Variants in CAPN9 observed in about 807,000 individuals in gnomAD.
The protein encoded by CAPN9 is calpain 9.
Under a neutral mutation model 92.8 loss-of-function variants are expected in CAPN9, and 81 were observed. That is an observed-to-expected ratio of 0.87 (90% confidence interval 0.73 to 1.05). CAPN9 has a LOEUF of 1.05. CAPN9 is among the 50% of genes least tolerant of loss of function. The pLI is 0.00. For missense variants in CAPN9, 848 were observed against 866.2 expected (o/e 0.98, Z 0.26); for synonymous variants, 304 against 328.0 (o/e 0.93, Z 0.79).
In CAPN9 at chr1:230,792,852, C is replaced by T; in HGVS notation, c.1794C>T (p.Asn598=). 1 of 1,613,732 alleles carries T rather than the reference C, an allele frequency of 6.2e-7. No homozygotes were observed. The highest frequency in any genetic ancestry group is 8.5e-7 in the Non-Finnish European group (1 of 1,179,648). The change falls in exon 17 of 20, where the codon AAC becomes AAT. Residue 598 remains asparagine, a splice_region_variant and synonymous_variant. Coordinates refer to ENST00000271971, the MANE Select transcript of CAPN9 (RefSeq NM_006615.3). ...GGCTTCTGCTCTCCACCCTTTAGAA[C>T]CTTTTCCTTCGGTTTGATGCTGACA... ...VFWDKLKQWI[N]LFLRFDADKS... is the part of the protein sequence containing the mutation.
chr1:230,756,212 C>A (rs16852580), intron 2 of CAPN9, among the ~76,000 whole-genome samples: 2,348 of 152,134 alleles, frequency 0.015, 70 homozygotes, highest in African/African-American at 0.053. Flanking sequence ...CATGCTGGAA[C>A]CTCCATGCTG....
intron 11 of CAPN9, among the ~76,000 whole-genome samples, chr1:230,783,359 C>T (rs1319150105): frequency 1.3e-5 from 2 of 152,174 alleles, no homozygotes; most frequent in Admixed American, 6.5e-5. Flanking sequence ...CCCATCAAAT[C>T]TGAAGTTGAA....
intron 13 of CAPN9, 116 bp from the exon 14 acceptor site, chr1:230,790,016 C>A: frequency 1.3e-6 from 1 of 760,722 alleles, no homozygotes; most frequent in South Asian, 1.7e-5. Context: ...ACAGCAGGGT[C>A]CTGAAGGCTG....
In CAPN9 at chr1:230,795,198, G is replaced by A. The variant is rs370675670; in HGVS notation, c.1906G>A (p.Val636Met). The A allele has an allele frequency of 1.1e-5, 18 of 1,613,414 alleles. No individual in the cohort carries two copies. Among genetic ancestry groups the A allele is most frequent in the Admixed American group, 1.7e-5 (1 of 60,000 alleles). Residue 636 changes from valine to methionine, a missense_variant, in exon 18 of 20, where the codon GTG becomes ATG. Physicochemically the swap from Val to Met is conservative, Grantham distance 21. Transcript: ENST00000271971. ...QLSSHLLQLI[V>M]LRYADEELQL... ...GAGCAGCCACCTCCTGCAGCTGATT[G>A]TGCTCAGGTATGCGGATGAGGAGCT...
chr1:230,795,096 C>T (rs1317475999), intron 17 of CAPN9, 67 bp from the exon 18 acceptor site: 2 of 994,996 alleles, frequency 2.0e-6, no homozygotes, highest in Non-Finnish European at 3.2e-6. Context: ...GGAGCTCCCT[C>T]AAAGGTGCAG....
At chr1:230,757,785 TG>T (rs1475347380) in intron 2 of CAPN9, among the ~76,000 whole-genome samples, 3 of 108,954 alleles carry the variant, frequency 2.8e-5, no homozygotes, top group Non-Finnish European at 5.7e-5. Flanking sequence ...CTGCAGGGGG[TG>T]GGGGTAGGGG....
At chr1:230,775,492 C>T (rs777935638) in intron 8 of CAPN9, among the ~76,000 whole-genome samples, 2 of 152,198 alleles carry the variant, frequency 1.3e-5, no homozygotes, top group South Asian at 4.1e-4. Flanking sequence ...CTTATTTCTT[C>T]CTGTTTGGGT....
intron 4 of CAPN9, among the ~76,000 whole-genome samples, chr1:230,766,747 A>G (rs1463429724): frequency 2.0e-5 from 3 of 152,212 alleles, no homozygotes; most frequent in Non-Finnish European, 4.4e-5. Flanking sequence ...AAGACATTCA[A>G]TTGGACTCAC....
intron 8 of CAPN9, 110 bp from the exon 9 acceptor site, chr1:230,778,863 G>C (rs1196453048): frequency 9.6e-7 from 1 of 1,039,880 alleles, no homozygotes; most frequent in Admixed American, 2.5e-5. Flanking sequence ...ACTCCTTGCG[G>C]ACAGGAACAA....
At chr1:230,779,272 C>A in intron 9 of CAPN9, 139 bp downstream of exon 9, 1 of 756,936 alleles carries the variant, frequency 1.3e-6, no homozygotes, top group Non-Finnish European at 2.1e-6. Flanking sequence ...AAAAAGGCTG[C>A]AAAGATTTAG....
At position 230,769,196 on chromosome 1, in the gene CAPN9, A is replaced by T; in HGVS notation, c.722A>T (p.Glu241Val). The T allele has an allele frequency of 6.2e-7, 1 of 1,614,086 alleles. No homozygotes were observed. The highest frequency in any genetic ancestry group is 8.5e-7 in the Non-Finnish European group (1 of 1,179,934). Residue 241 changes from glutamate (E) to valine (V), a missense_variant, in exon 6 of 20, where the codon GAA (glutamate) becomes GTA (valine). Transcript: ENST00000271971. Reference protein sequence around the residue: ...GCFIDTRSAAESEARTPFGLI... With the variant: ...GCFIDTRSAAVSEARTPFGLI... ...ATGTTTTAGACCAGAAGTGCTGCAG[A>T]ATCTGAGGCCCGGACGCCGTTTGGT...
At chr1:230,798,796 G>T (rs1284145878) in intron 19 of CAPN9, among the ~76,000 whole-genome samples, 1 of 152,170 alleles carries the variant, frequency 6.6e-6, no homozygotes, top group Non-Finnish European at 1.5e-5. Context: ...GGAGGTCCAT[G>T]GGCCAGCAGC....
intron 1 of CAPN9, among the ~76,000 whole-genome samples, chr1:230,753,766 C>A (rs1457908041): frequency 6.6e-6 from 1 of 152,102 alleles, no homozygotes; most frequent in Non-Finnish European, 1.5e-5. Context: ...TAACTCACCA[C>A]CCCTGCAGGG....
chr1:230,786,204 A>G (rs1667570279), intron 12 of CAPN9, 187 bp downstream of exon 12: 1 of 984,276 alleles, frequency 1.0e-6, no homozygotes, highest in South Asian at 4.7e-5. Flanking sequence ...CTTCTAGTCC[A>G]CAAGGACCTG....
chr1:230,792,977 C>G, intron 17 of CAPN9, 49 bp downstream of exon 17: 1 of 1,418,438 alleles, frequency 7.1e-7, no homozygotes, highest in Non-Finnish European at 1.0e-6. Flanking sequence ...CCAGGTACTG[C>G]CTGTGGGCAA....
At chr1:230,749,022 G>A (rs1162732705) in intron 1 of CAPN9, among the ~76,000 whole-genome samples, 1 of 152,182 alleles carries the variant, frequency 6.6e-6, no homozygotes, top group Non-Finnish European at 1.5e-5. Context: ...ACATGTGTGT[G>A]GATATGCATA....
At chr1:230,773,267 C>G (rs542320392) in intron 7 of CAPN9, among the ~76,000 whole-genome samples, 1 of 152,248 alleles carries the variant, frequency 6.6e-6, no homozygotes, top group Admixed American at 6.5e-5. Context: ...TTCTGAGAAC[C>G]AAGAAGCATT....
intron 3 of CAPN9, among the ~76,000 whole-genome samples, chr1:230,761,330 T>C (rs1665621581): frequency 6.6e-6 from 1 of 151,956 alleles, no homozygotes; most frequent in African/African-American, 2.4e-5. Flanking sequence ...TGGCAGATAA[T>C]CTCTCCTGAC....
intron 1 of CAPN9, among the ~76,000 whole-genome samples, chr1:230,748,570 C>G (rs1664575360): frequency 6.6e-6 from 1 of 152,206 alleles, no homozygotes; most frequent in Admixed American, 6.5e-5. Flanking sequence ...CTTCATTTCC[C>G]TGAGCCTCAG....
Sources: gnomAD v4.1 joint callset for allele counts (sites outside exome capture counted in the v4.1 genomes callset) on GRCh38, gnomAD v4.1.1 for gene constraint, MANE v1.5 for transcripts, NCBI Gene and HGNC (gene_info 2026-07-23, HGNC 2026-07-21) for gene names.